The following RALYL variants were observed in gnomAD, a reference collection of about 807,000 sequenced individuals.
The protein encoded by RALYL is RALY RNA binding protein like, also known as RNA-binding Raly-like protein.
RALYL carries 29 observed loss-of-function variants against 35.1 expected under a neutral mutation model. The observed-to-expected ratio is 0.83, with a 90% CI of 0.61 to 1.13. RALYL has a LOEUF of 1.13. Ranked by LOEUF, RALYL falls within the 50% of genes most tolerant of loss-of-function variation. RALYL has a pLI of 0.00. For missense variants in RALYL, 359 were observed against 360.4 expected, an observed-to-expected ratio of 1.00 and a Z score of 0.03; for synonymous variants, 120 against 127.6, an observed-to-expected ratio of 0.94 and a Z score of 0.40.
intron 1 of RALYL, among the ~76,000 whole-genome samples, chr8:84,468,744 A>T (rs978516112): frequency 6.6e-6 from 1 of 151,496 alleles, no homozygotes; most frequent in African/African-American, 2.4e-5. Flanking sequence ...AGTGTTTTCC[A>T]ACTTGGTTCC....
chr8:84,326,044 G>A (rs113249561), intron 1 of RALYL, among the ~76,000 whole-genome samples: 3,095 of 152,160 alleles, frequency 0.02, 117 homozygotes, highest in African/African-American at 0.07. Flanking sequence ...CCTGGGAGGC[G>A]GAGGTTGCAG....
chr8:84,321,793 C>T (rs1266385410), intron 1 of RALYL, among the ~76,000 whole-genome samples: 3 of 152,072 alleles, frequency 2.0e-5, no homozygotes, highest in Non-Finnish European at 2.9e-5. Flanking sequence ...TAATAAATTA[C>T]AGCTGAAAGA....
At position 84,466,764 on chromosome 8, in the gene RALYL, A is replaced by C. The variant is rs942977925; in HGVS notation, c.-23-62535A>C. On this transcript the variant is annotated intron_variant, in intron 1 of 8. Coordinates refer to ENST00000521268, the MANE Select transcript of RALYL (RefSeq NM_173848.7). The stretch of plus-strand genomic sequence containing the variant: ...TCTGGTAGAATTCGGCTGTGAATCC[A>C]TCTGGTCCTGGACTCTTTTGGTTGG... Among the ~76,000 whole-genome samples the C allele has an allele frequency of 3.7e-5, 5 of 134,490 alleles. No homozygotes were observed. In the Admixed American group the frequency reaches 3.8e-4, roughly 10 times the overall value. 88.2% of individuals were successfully genotyped at this position (134,490 alleles called of 152,430 possible).
chr8:84,384,390 A>T (rs976677575), intron 1 of RALYL, among the ~76,000 whole-genome samples: 1 of 151,740 alleles, frequency 6.6e-6, no homozygotes, highest in African/African-American at 2.4e-5. Flanking sequence ...TTACTCCCCT[A>T]ATTCCTGTAG....
At chr8:84,668,784 A>G (rs1433247397) in intron 2 of RALYL, among the ~76,000 whole-genome samples, 1 of 152,138 alleles carries the variant, frequency 6.6e-6, no homozygotes, top group Non-Finnish European at 1.5e-5. Context: ...TAGGGTAGTT[A>G]GAGCTCAGAA....
chr8:84,377,152 A>T (rs1857061754), intron 1 of RALYL, among the ~76,000 whole-genome samples: 1 of 151,790 alleles, frequency 6.6e-6, no homozygotes, highest in African/African-American at 2.4e-5. Flanking sequence ...TGGATTCCAG[A>T]CTCCATATTT....
At chr8:84,686,178 G>A (rs1836742963) in intron 2 of RALYL, among the ~76,000 whole-genome samples, 2 of 151,974 alleles carry the variant, frequency 1.3e-5, no homozygotes, top group South Asian at 4.2e-4. Context: ...AGGCATTATA[G>A]CAAAACTGAC....
rs1841547177 is a variant in RALYL, at chr8:84,708,211, A to G, written c.257-66368A>G. On this transcript the variant is annotated intron_variant, in intron 2 of 8. Coordinates refer to ENST00000521268, the MANE Select transcript of RALYL (RefSeq NM_173848.7). The stretch of plus-strand genomic sequence containing the variant: ...TGTGGCTATGTCAGGAGTTTGAGGA[A>G]AAAGGAGAGAACAAAAATACTTATG... 2.6e-5 allele frequency among the ~76,000 whole-genome samples: 4 copies of G among 152,136 alleles called. 1 individual carries two copies. The South Asian group carries it at 8.3e-4, about 31-fold the overall frequency.
At chr8:84,705,048 C>T (rs1356935815) in intron 2 of RALYL, among the ~76,000 whole-genome samples, 1 of 152,158 alleles carries the variant, frequency 6.6e-6, no homozygotes, top group African/African-American at 2.4e-5. Context: ...TAAATAACAA[C>T]TAATTTCAGA....
At chr8:84,415,222 T>TTTTTGTTTTGTTTTG (rs1213589684) in intron 1 of RALYL, among the ~76,000 whole-genome samples, 1 of 150,882 alleles carries the variant, frequency 6.6e-6, no homozygotes, top group Admixed American at 6.6e-5. Flanking sequence ...TTTTTTTGTT[T>TTTTTGTTTTGTTTTG]TTTTGTTTTG....
At chr8:84,753,174 A>C (rs1265828290) in intron 2 of RALYL, among the ~76,000 whole-genome samples, 1 of 152,176 alleles carries the variant, frequency 6.6e-6, no homozygotes, top group African/African-American at 2.4e-5. Flanking sequence ...TTTTAAGATT[A>C]ATGAATTCCC....
chr8:84,226,486 A>G (rs1823904021), intron 1 of RALYL, among the ~76,000 whole-genome samples: 1 of 152,060 alleles, frequency 6.6e-6, no homozygotes, highest in Non-Finnish European at 1.5e-5. Flanking sequence ...AGCTCATCGC[A>G]ACTTCCGCCT....
At chr8:84,638,946 A>G (rs941565184) in intron 2 of RALYL, among the ~76,000 whole-genome samples, 101 of 114,308 alleles carry the variant, frequency 8.8e-4, no homozygotes, top group African/African-American at 3.6e-3. Flanking sequence ...ACCCATATAT[A>G]TGTACACACA....
At chr8:84,704,253 T>C (rs890879240) in intron 2 of RALYL, among the ~76,000 whole-genome samples, 42 of 152,050 alleles carry the variant, frequency 2.8e-4, no homozygotes, top group South Asian at 4.1e-4. Flanking sequence ...GGCGAAACCC[T>C]GTCTCTACCA....
At chr8:84,479,288 G>A (rs1394927224) in intron 1 of RALYL, among the ~76,000 whole-genome samples, 2 of 151,790 alleles carry the variant, frequency 1.3e-5, no homozygotes, top group Non-Finnish European at 2.9e-5. Context: ...CTTAAAATAA[G>A]TTTTCTCTTT....
chr8:84,824,755 G>T (rs549167725), intron 4 of RALYL, among the ~76,000 whole-genome samples: 18 of 152,198 alleles, frequency 1.2e-4, no homozygotes, highest in Non-Finnish European at 1.9e-4. Flanking sequence ...AAAAATAAGC[G>T]ATGGGGAATG....
chr8:84,472,581 A>T (rs371778388), intron 1 of RALYL, among the ~76,000 whole-genome samples: 13 of 152,266 alleles, frequency 8.5e-5, no homozygotes, highest in African/African-American at 3.1e-4. Flanking sequence ...GGGATATGAG[A>T]TTGGGAATAA....
At chr8:84,861,859 T>C (rs1215992317) in intron 5 of RALYL, among the ~76,000 whole-genome samples, 1 of 152,264 alleles carries the variant, frequency 6.6e-6, no homozygotes, top group Admixed American at 6.5e-5. Context: ...TCTTTGTTCC[T>C]GTTCTGCAAG....
intron 2 of RALYL, among the ~76,000 whole-genome samples, chr8:84,668,939 G>A (rs1326286170): frequency 2.0e-5 from 3 of 151,516 alleles, no homozygotes; most frequent in Admixed American, 2.0e-4. Flanking sequence ...GAGGTTAAAT[G>A]TTCAACAACA....
Sources: gnomAD v4.1 joint callset for allele counts (sites outside exome capture counted in the v4.1 genomes callset) on GRCh38, gnomAD v4.1.1 for gene constraint, MANE v1.5 for transcripts, NCBI Gene and HGNC (gene_info 2026-07-23, HGNC 2026-07-21) for gene names.